Variants in SVIL observed in about 807,000 individuals in gnomAD.
SVIL encodes archvillin.
In SVIL, 101 loss-of-function variants were observed where a neutral mutation model predicts 240.4. That is an observed-to-expected ratio of 0.42 (90% confidence interval 0.36 to 0.50). The LOEUF (loss-of-function observed/expected upper bound fraction) is 0.50. SVIL is among the 20% of genes least tolerant of loss of function. SVIL has a pLI of 0.01. For synonymous variants in SVIL, 999 were observed against 1,100.0 expected, an observed-to-expected ratio of 0.91 and a Z score of 1.82; for missense variants, 2,512 against 2,818.7, an observed-to-expected ratio of 0.89 and a Z score of 2.46.
At chr10:29,706,207 T>C (rs943105104) in intron 1 of SVIL, among the ~76,000 whole-genome samples, 3 of 152,244 alleles carry the variant, frequency 2.0e-5, no homozygotes, top group Non-Finnish European at 2.9e-5. Flanking sequence ...ATGGTATTTC[T>C]GGTTCTAGAT....
chr10:29,488,232 G>A (rs1252215341), intron 23 of SVIL, among the ~76,000 whole-genome samples: 3 of 152,122 alleles, frequency 2.0e-5, no homozygotes, highest in Non-Finnish European at 4.4e-5. Context: ...CCCCTCTGAT[G>A]ATGTAGGGCA....
rs1554769339 is a variant in SVIL, at chr10:29,713,262, C to CTGTGTA, written c.-400+22488_-400+22489insTACACA. 1.5e-4 allele frequency among the ~76,000 whole-genome samples: 22 copies of CTGTGTA among 148,574 alleles called. No individual in the cohort carries two copies. In the East Asian group the frequency reaches 1.8e-3, roughly 12 times the overall value. Reference sequence around the variant, plus strand: ...TAAAACTAAGAAGTTGTACATGCCTCTGTGTGTGTGTGTGTGTGTGTGTGT... The same window carrying CTGTGTA: ...TAAAACTAAGAAGTTGTACATGCCTCTGTGTATGTGTGTGTGTGTGTGTGTGTGTGT... On this transcript the variant is annotated intron_variant, in intron 1 of 35. Transcript: ENST00000375400.
upstream of SVIL, among the ~76,000 whole-genome samples, chr10:29,637,861 C>T (rs146568138): frequency 9.0e-4 from 137 of 152,208 alleles, 1 homozygote; most frequent in Non-Finnish European, 1.7e-3. Flanking sequence ...AAAGCCAATC[C>T]CAAAATGTTA....
chr10:29,706,222 G>A (rs1250070654), intron 1 of SVIL, among the ~76,000 whole-genome samples: 1 of 152,170 alleles, frequency 6.6e-6, no homozygotes, highest in Non-Finnish European at 1.5e-5. Flanking sequence ...CTAGATCCTT[G>A]AGGAATCACC....
At chr10:29,580,897 C>A (rs1487610945) in intron 1 of SVIL, among the ~76,000 whole-genome samples, 3 of 152,178 alleles carry the variant, frequency 2.0e-5, no homozygotes, top group African/African-American at 7.2e-5. Context: ...ATTCTTCCAC[C>A]TTGGCCTCCC....
At chr10:29,532,435 A>G in intron 8 of SVIL, 94 bp downstream of exon 8, 2 of 1,491,184 alleles carry the variant, frequency 1.3e-6, no homozygotes, top group South Asian at 1.4e-5. Context: ...AGCTAATATG[A>G]TTCAATGCAG....
intron 1 of SVIL, among the ~76,000 whole-genome samples, chr10:29,583,925 G>A (rs1412809695): frequency 2.6e-5 from 4 of 152,104 alleles, no homozygotes; most frequent in African/African-American, 7.2e-5. Flanking sequence ...GACCACTTGC[G>A]GTATTTGTTT....
At chr10:29,495,628 G>A (rs1363478542) in intron 18 of SVIL, among the ~76,000 whole-genome samples, 1 of 152,180 alleles carries the variant, frequency 6.6e-6, no homozygotes, top group Non-Finnish European at 1.5e-5. Context: ...CAGTGGCCCT[G>A]GGGACATGAC....
At chr10:29,729,184 A>G (rs979665701) in intron 1 of SVIL, among the ~76,000 whole-genome samples, 2 of 152,154 alleles carry the variant, frequency 1.3e-5, no homozygotes, top group Non-Finnish European at 2.9e-5. Context: ...CCCAAGGACC[A>G]TGATGTTGGG....
chr10:29,715,151 A>C (rs2132677873), intron 1 of SVIL, among the ~76,000 whole-genome samples: 1 of 152,248 alleles, frequency 6.6e-6, no homozygotes, highest in East Asian at 1.9e-4. Flanking sequence ...AAAGAGGAGG[A>C]GTTTAATCAG....
At chr10:29,672,569 T>C (rs141673509) in intron 2 of SVIL, among the ~76,000 whole-genome samples, 77 of 152,348 alleles carry the variant, frequency 5.1e-4, no homozygotes, top group Middle Eastern at 6.8e-3. Context: ...AAAAATTAAA[T>C]AATAAAATTA....
At chr10:29,549,699 A>T (rs1251674655) in intron 6 of SVIL, among the ~76,000 whole-genome samples, 1 of 140,394 alleles carries the variant, frequency 7.1e-6, no homozygotes, top group Non-Finnish European at 1.6e-5. Flanking sequence ...GCCATAAAAA[A>T]GGATGAGTTC....
At chr10:29,492,541 A>C (rs1279137444) in intron 21 of SVIL, among the ~76,000 whole-genome samples, 1 of 151,984 alleles carries the variant, frequency 6.6e-6, no homozygotes, top group Admixed American at 6.6e-5. Context: ...ACCCCTCCGC[A>C]CTGTTCAGCC....
At chr10:29,676,694 G>C (rs1016517969) in intron 2 of SVIL, among the ~76,000 whole-genome samples, 2 of 152,216 alleles carry the variant, frequency 1.3e-5, no homozygotes, top group Non-Finnish European at 2.9e-5. Context: ...TTGGAACACT[G>C]AGCTGGACAT....
At chr10:29,578,597 C>T (rs1288617736) in intron 1 of SVIL, among the ~76,000 whole-genome samples, 1 of 152,232 alleles carries the variant, frequency 6.6e-6, no homozygotes, top group South Asian at 2.1e-4. Flanking sequence ...AAATCCCCTT[C>T]CTAAATGTTC....
intron 2 of SVIL, among the ~76,000 whole-genome samples, chr10:29,681,323 T>C (rs1148226): frequency 0.61 from 91,667 of 151,346 alleles, 27,923 homozygotes; most frequent in East Asian, 0.83. Flanking sequence ...GCCCAGGGAA[T>C]AGCTGGTGAT....
chr10:29,585,310 C>T (rs1225679082), intron 1 of SVIL, among the ~76,000 whole-genome samples: 1 of 152,044 alleles, frequency 6.6e-6, no homozygotes, highest in East Asian at 1.9e-4. Context: ...GATCTACCTG[C>T]CTTGGCCCCA....
chr10:29,696,144 G>A (rs955094510), intron 1 of SVIL, among the ~76,000 whole-genome samples: 9 of 151,924 alleles, frequency 5.9e-5, no homozygotes, highest in African/African-American at 2.2e-4. Context: ...GGTGGGGACG[G>A]GGTTTCGCTG....
At chr10:29,586,859 T>G (rs377361285) in intron 1 of SVIL, among the ~76,000 whole-genome samples, 1 of 151,898 alleles carries the variant, frequency 6.6e-6, no homozygotes, top group Admixed American at 6.6e-5. Flanking sequence ...CATGGACACA[T>G]AGAAGGGAAC....
Sources: gnomAD v4.1 joint callset for allele counts (sites outside exome capture counted in the v4.1 genomes callset) on GRCh38, gnomAD v4.1.1 for gene constraint, MANE v1.5 for transcripts, NCBI Gene and HGNC (gene_info 2026-07-23, HGNC 2026-07-21) for gene names.